The following WDR7 variants were observed in gnomAD, a reference collection of about 807,000 sequenced individuals.
The protein encoded by WDR7 is WD repeat-containing protein 7.
A neutral mutation model predicts 169.4 loss-of-function variants in WDR7; 46 were observed. The ratio of observed to expected loss-of-function variants is 0.27; its 90% CI spans 0.21 to 0.35. The LOEUF (loss-of-function observed/expected upper bound fraction) is 0.35, where lower values mean the gene tolerates loss of function less well. WDR7 is among the 10% of genes least tolerant of loss of function. WDR7 has a pLI of 1.00. For synonymous variants in WDR7, 612 were observed against 666.8 expected, an observed-to-expected ratio of 0.92 and a Z score of 1.27; for missense variants, 1,534 against 1,859.3, an observed-to-expected ratio of 0.83 and a Z score of 3.22.
chr18:56,796,590 G>A (rs1279781625), intron 19 of WDR7, among the ~76,000 whole-genome samples: 1 of 152,050 alleles, frequency 6.6e-6, no homozygotes, highest in African/African-American at 2.4e-5. Context: ...AAACTTAATA[G>A]CATTTTGTTG....
At chr18:56,849,427 T>A (rs537773555) in intron 20 of WDR7, among the ~76,000 whole-genome samples, 1 of 152,352 alleles carries the variant, frequency 6.6e-6, no homozygotes, top group East Asian at 1.9e-4. Context: ...GGGATTTAAT[T>A]TTTTGTCCTT....
intron 23 of WDR7, 58 bp downstream of exon 23, chr18:56,935,963 A>G: frequency 1.4e-6 from 2 of 1,461,738 alleles, no homozygotes; most frequent in Non-Finnish European, 1.9e-6. Flanking sequence ...ATTTGATACT[A>G]TAAGCTGAGG....
chr18:56,790,331 G>T (rs964681997), intron 19 of WDR7, among the ~76,000 whole-genome samples: 1 of 152,114 alleles, frequency 6.6e-6, no homozygotes. Flanking sequence ...TGATTGGATT[G>T]TGAGGCATTT....
At chr18:56,800,683 C>T (rs1284632983) in intron 19 of WDR7, among the ~76,000 whole-genome samples, 12 of 152,150 alleles carry the variant, frequency 7.9e-5, no homozygotes, top group African/African-American at 1.4e-4. Flanking sequence ...TTTATAATGC[C>T]GGTTCATTGC....
intron 16 of WDR7, among the ~76,000 whole-genome samples, chr18:56,762,525 A>T (rs2043994587): frequency 6.6e-6 from 1 of 151,964 alleles, no homozygotes; most frequent in Admixed American, 6.5e-5. Flanking sequence ...AGTTTCTCTG[A>T]TTCTAAATTT....
intron 20 of WDR7, among the ~76,000 whole-genome samples, chr18:56,833,532 T>C (rs562437551): frequency 6.6e-6 from 1 of 152,332 alleles, no homozygotes; most frequent in East Asian, 1.9e-4. Flanking sequence ...TATAAGCTAA[T>C]TGGTACCTAG....
At chr18:56,713,179 C>T (rs969830463) in intron 12 of WDR7, among the ~76,000 whole-genome samples, 1 of 152,168 alleles carries the variant, frequency 6.6e-6, no homozygotes, top group Non-Finnish European at 1.5e-5. Flanking sequence ...TTTGATCAGT[C>T]TGGCAGGAGG....
In WDR7 at chr18:56,938,584, C is replaced by T; in HGVS notation, c.3883C>T (p.His1295Tyr). 1 of 1,613,834 alleles carries T rather than the reference C, an allele frequency of 6.2e-7. No individual in the cohort carries two copies. The highest frequency in any genetic ancestry group is 8.5e-7 in the Non-Finnish European group (1 of 1,179,864). ...AAATACCCAATCACAGCAGAATATGCACACAACAACTCTTGCACGAGCTAA... is the reference window on the plus strand; with the variant it reads ...AAATACCCAATCACAGCAGAATATGTACACAACAACTCTTGCACGAGCTAA... ...AANTQSQQNM[H>Y]TTTLARAKGE... The change falls in exon 24 of 28, where the codon CAC becomes TAC. Residue 1295 changes from histidine to tyrosine, a missense_variant. Coordinates refer to ENST00000254442, the MANE Select transcript of WDR7 (RefSeq NM_015285.3).
intron 20 of WDR7, among the ~76,000 whole-genome samples, chr18:56,826,442 A>T (rs1044230962): frequency 3.3e-5 from 5 of 152,216 alleles, no homozygotes; most frequent in South Asian, 4.1e-4. Context: ...ATACACAAAA[A>T]GATAATTAAA....
At chr18:56,938,231 G>A (rs76596028) in intron 23 of WDR7, among the ~76,000 whole-genome samples, 5,358 of 152,196 alleles carry the variant, frequency 0.035, 321 homozygotes, top group African/African-American at 0.12. Context: ...GCCAACTTCT[G>A]TCTACTTCAG....
intron 16 of WDR7, among the ~76,000 whole-genome samples, chr18:56,769,305 G>A (rs1220180178): frequency 1.3e-5 from 2 of 151,022 alleles, no homozygotes; most frequent in African/African-American, 2.4e-5. Context: ...CCGCAGCCTC[G>A]ACTTCCAGTC....
At chr18:56,917,843 C>T (rs1245151698) in intron 21 of WDR7, among the ~76,000 whole-genome samples, 1 of 151,842 alleles carries the variant, frequency 6.6e-6, no homozygotes, top group African/African-American at 2.4e-5. Flanking sequence ...TTTCATATCA[C>T]CTCATAGCAC....
chr18:56,828,982 A>AC (rs1292864601), intron 20 of WDR7, among the ~76,000 whole-genome samples: 1 of 151,876 alleles, frequency 6.6e-6, no homozygotes, highest in African/African-American at 2.4e-5. Context: ...ATACTTTCAA[A>AC]CCCCCATCTC....
chr18:56,744,475 A>G (rs1380179953), intron 14 of WDR7, among the ~76,000 whole-genome samples: 1 of 152,084 alleles, frequency 6.6e-6, no homozygotes, highest in East Asian at 1.9e-4. Flanking sequence ...AGCAAGTGTA[A>G]GGATTCACTG....
At chr18:56,952,311 G>C (rs983990382) in intron 25 of WDR7, among the ~76,000 whole-genome samples, 1 of 152,200 alleles carries the variant, frequency 6.6e-6, no homozygotes, top group Non-Finnish European at 1.5e-5. Context: ...TATGAAACAA[G>C]GGGCTCTTGT....
intron 20 of WDR7, among the ~76,000 whole-genome samples, chr18:56,828,305 A>G (rs1049483247): frequency 1.3e-5 from 2 of 152,194 alleles, no homozygotes; most frequent in Non-Finnish European, 2.9e-5. Context: ...GAATTTGACC[A>G]TGAAGGTGAA....
At chr18:56,891,732 T>C (rs2046266567) in intron 21 of WDR7, among the ~76,000 whole-genome samples, 1 of 152,144 alleles carries the variant, frequency 6.6e-6, no homozygotes, top group African/African-American at 2.4e-5. Context: ...CTGTAACATA[T>C]ACTGATTTTC....
intron 26 of WDR7, among the ~76,000 whole-genome samples, chr18:56,980,367 G>A (rs1385030737): frequency 6.6e-6 from 1 of 152,128 alleles, no homozygotes; most frequent in Non-Finnish European, 1.5e-5. Flanking sequence ...GTGGTGTGGA[G>A]CCGTGTGTAG....
chr18:56,875,894 C>A (rs1012229592), intron 20 of WDR7, among the ~76,000 whole-genome samples: 1 of 152,154 alleles, frequency 6.6e-6, no homozygotes, highest in Non-Finnish European at 1.5e-5. Flanking sequence ...TATTGTTGTT[C>A]ACCTGATCAT....
Sources: allele counts gnomAD v4.1 joint callset (sites outside exome capture counted in the v4.1 genomes callset), GRCh38; gene constraint gnomAD v4.1.1; transcripts MANE v1.5; gene names NCBI Gene and HGNC (gene_info 2026-07-23, HGNC 2026-07-21).